Variants in SLC39A11 observed in about 807,000 individuals in gnomAD.
The protein encoded by SLC39A11 is zinc transporter ZIP11.
A neutral mutation model predicts 36.1 loss-of-function variants in SLC39A11; 33 were observed. The observed-to-expected ratio is 0.91, with a 90% CI of 0.69 to 1.22. SLC39A11 has a LOEUF of 1.22. Among genes scored for constraint, SLC39A11 ranks in the 50% most tolerant of loss-of-function variants. SLC39A11 has a pLI of 0.00. For synonymous variants in SLC39A11, 166 were observed against 170.3 expected, an observed-to-expected ratio of 0.97 and a Z score of 0.20; for missense variants, 432 against 430.3, an observed-to-expected ratio of 1.00 and a Z score of -0.03.
chr17:72,940,357 C>A (rs942424916), intron 5 of SLC39A11, among the ~76,000 whole-genome samples: 8 of 150,906 alleles, frequency 5.3e-5, no homozygotes, highest in African/African-American at 1.7e-4. Flanking sequence ...CTCACTGTAA[C>A]CTCTACCTCC....
chr17:73,048,727 T>C (rs1257726820), intron 3 of SLC39A11, among the ~76,000 whole-genome samples: 3 of 152,212 alleles, frequency 2.0e-5, no homozygotes, highest in African/African-American at 7.2e-5. Context: ...AATGAGATTA[T>C]GTGTGCCAAA....
chr17:73,019,472 C>T (rs573858999), intron 4 of SLC39A11, among the ~76,000 whole-genome samples: 53 of 152,198 alleles, frequency 3.5e-4, no homozygotes, highest in Non-Finnish European at 6.9e-4. Flanking sequence ...TTATATCATA[C>T]ATGAAGTGTT....
At position 72,646,176 on chromosome 17, in the gene SLC39A11, T is replaced by G. The variant is rs948210188; in HGVS notation, c.*1408A>C. 4.6e-5 allele frequency: 7 copies of G among 152,654 alleles called. No individual in the cohort carries two copies. 9.5% of individuals were successfully genotyped at this position (152,654 alleles called of 1,614,324 possible). On this transcript the variant is annotated 3_prime_UTR_variant, in exon 10 of 10. Coordinates refer to ENST00000255559, the MANE Select transcript of SLC39A11 (RefSeq NM_139177.4). ...CATAGACCCAGCCCAAGGTTGGCCT[T>G]TGGGGTCTGATAGCATTCACAGAGC...
At chr17:72,728,127 T>C (rs2074008488) in intron 7 of SLC39A11, among the ~76,000 whole-genome samples, 1 of 152,050 alleles carries the variant, frequency 6.6e-6, no homozygotes, top group African/African-American at 2.4e-5. Context: ...TTGTGTCCAC[T>C]AAAGGAGGGG....
intron 3 of SLC39A11, among the ~76,000 whole-genome samples, chr17:73,068,840 G>A (rs531308280): frequency 2.6e-5 from 4 of 152,046 alleles, no homozygotes; most frequent in East Asian, 3.8e-4. Flanking sequence ...CTGTGCACAC[G>A]CATGGCCAGT....
chr17:72,713,169 G>A (rs755308449), intron 7 of SLC39A11, among the ~76,000 whole-genome samples: 3 of 152,122 alleles, frequency 2.0e-5, no homozygotes, highest in East Asian at 1.9e-4. Flanking sequence ...CGTGGAGTTC[G>A]TGGTGGAGAC....
At chr17:72,704,593 G>C (rs1181278727) in intron 7 of SLC39A11, among the ~76,000 whole-genome samples, 2 of 152,180 alleles carry the variant, frequency 1.3e-5, no homozygotes, top group African/African-American at 4.8e-5. Flanking sequence ...AAGTGATGCT[G>C]TCCCTCAAAA....
chr17:72,907,961 G>T (rs138866796), intron 5 of SLC39A11, among the ~76,000 whole-genome samples: 3 of 152,242 alleles, frequency 2.0e-5, no homozygotes, highest in Admixed American at 2.0e-4. Context: ...AGCAGGGGCA[G>T]GGCACAGAGG....
chr17:72,678,014 T>C (rs2071349809), intron 7 of SLC39A11, among the ~76,000 whole-genome samples: 1 of 152,172 alleles, frequency 6.6e-6, no homozygotes, highest in African/African-American at 2.4e-5. Context: ...CTTGAGGATC[T>C]CGGAAGACAG....
intron 6 of SLC39A11, among the ~76,000 whole-genome samples, chr17:72,759,679 T>TA (rs1206588216): frequency 1.3e-5 from 2 of 151,654 alleles, no homozygotes; most frequent in Non-Finnish European, 3.0e-5. Flanking sequence ...AGAGGAGACA[T>TA]AAAAAATTCA....
At chr17:72,729,434 TATATATATATATATATA>T (rs2074097694) in intron 7 of SLC39A11, among the ~76,000 whole-genome samples, 20 of 3,472 alleles carry the variant, frequency 5.8e-3, no homozygotes, top group East Asian at 0.026. Context: ...TATATATATA[TATATATATATATATATA>T]TATATATTTT....
chr17:72,660,065 C>A (rs1294379125), intron 7 of SLC39A11, among the ~76,000 whole-genome samples: 1 of 152,174 alleles, frequency 6.6e-6, no homozygotes. Flanking sequence ...GAGTGAGTTA[C>A]TCAGGGGTGT....
intron 3 of SLC39A11, among the ~76,000 whole-genome samples, chr17:73,070,758 G>T (rs1363737123): frequency 6.6e-6 from 1 of 152,158 alleles, no homozygotes; most frequent in Non-Finnish European, 1.5e-5. Context: ...AGTCTCATGA[G>T]ATCTGATGGT....
chr17:72,757,532 A>T (rs1323769790), intron 6 of SLC39A11, among the ~76,000 whole-genome samples: 1 of 150,250 alleles, frequency 6.7e-6, no homozygotes. Flanking sequence ...CGGTTGTGGG[A>T]CGGCTTTTTG....
chr17:73,010,370 T>C (rs2090446730), intron 4 of SLC39A11, among the ~76,000 whole-genome samples: 1 of 152,152 alleles, frequency 6.6e-6, no homozygotes, highest in Non-Finnish European at 1.5e-5. Flanking sequence ...AGACTTGGGC[T>C]TCAAAAAGAA....
At chr17:72,813,147 A>C (rs1031211272) in intron 6 of SLC39A11, among the ~76,000 whole-genome samples, 1 of 152,208 alleles carries the variant, frequency 6.6e-6, no homozygotes, top group African/African-American at 2.4e-5. Context: ...GGTCTTCCAA[A>C]GACTAGCTTT....
intron 4 of SLC39A11, among the ~76,000 whole-genome samples, chr17:73,018,195 T>G (rs917705986): frequency 6.6e-6 from 1 of 152,218 alleles, no homozygotes; most frequent in African/African-American, 2.4e-5. Context: ...CTCTTTAAGA[T>G]GACTAAATCT....
At chr17:72,739,179 G>T (rs1000407720) in intron 6 of SLC39A11, among the ~76,000 whole-genome samples, 7 of 151,420 alleles carry the variant, frequency 4.6e-5, no homozygotes, top group African/African-American at 1.5e-4. Context: ...CCAGGCTGGA[G>T]TGCAGTGGTG....
At position 72,655,694 on chromosome 17, in the gene SLC39A11, T is replaced by A. The variant is rs1598236921; in HGVS notation, c.672-6426A>T. ...ATGCATCAGGAGCCTGCAACCGGGG[T>A]GCTTACTATATACAAGATCTGATCT... On this transcript the variant is annotated intron_variant, in intron 7 of 9. Transcript: ENST00000255559. Among the ~76,000 whole-genome samples the A allele has an allele frequency of 1.3e-5, 2 of 152,186 alleles. 1 individual carries two copies. Among genetic ancestry groups the A allele is most frequent in the South Asian group, 4.2e-4 (2 of 4,818 alleles).
Sources: gnomAD v4.1 joint callset for allele counts (sites outside exome capture counted in the v4.1 genomes callset) on GRCh38, gnomAD v4.1.1 for gene constraint, MANE v1.5 for transcripts, NCBI Gene and HGNC (gene_info 2026-07-23, HGNC 2026-07-21) for gene names.